Variants in CAPN7 observed in about 807,000 individuals in gnomAD.
CAPN7 encodes calpain 7, also known as calpain-7.
A neutral mutation model predicts 115.2 loss-of-function variants in CAPN7; 72 were observed. The ratio of observed to expected loss-of-function variants is 0.63; its 90% CI spans 0.52 to 0.76. The LOEUF is 0.76. CAPN7 is among the 30% of genes least tolerant of loss of function. The pLI, the probability that CAPN7 is intolerant of heterozygous loss-of-function variation, is 0.00. For missense variants in CAPN7, 905 were observed against 971.5 expected, an observed-to-expected ratio of 0.93 and a Z score of 0.91; for synonymous variants, 344 against 322.3, an observed-to-expected ratio of 1.07 and a Z score of -0.72.
intron 12 of CAPN7, among the ~76,000 whole-genome samples, chr3:15,237,850 G>A (rs1695086392): frequency 6.6e-6 from 1 of 151,744 alleles, no homozygotes; most frequent in South Asian, 2.1e-4. Flanking sequence ...GGTGGCACGT[G>A]CCTGTAGTCC....
intron 2 of CAPN7, among the ~76,000 whole-genome samples, chr3:15,214,656 T>C (rs535882091): frequency 1.4e-4 from 21 of 152,298 alleles, no homozygotes; most frequent in African/African-American, 4.1e-4. Context: ...AGGTTGAGGC[T>C]GCACTGACCC....
In CAPN7 at chr3:15,230,552, C is replaced by CCCACTCCCATCCCTTGTCTCTCT. The variant is rs776921095; in HGVS notation, c.1032+20_1032+42dup. ...CCAAGAAAGGTGAATAATGTCTCTCCCCACTCCCATCCCTTGTCTCTCTCC... is the reference window on the plus strand; with the variant it reads ...CCAAGAAAGGTGAATAATGTCTCTCCCCACTCCCATCCCTTGTCTCTCTCCACTCCCATCCCTTGTCTCTCTCC... On this transcript the variant is annotated intron_variant, in intron 9 of 20. Transcript: ENST00000253693. 2 of 1,431,036 alleles carry CCCACTCCCATCCCTTGTCTCTCT rather than the reference C, an allele frequency of 1.4e-6. No homozygotes were observed. 88.6% of individuals were successfully genotyped at this position (1,431,036 alleles called of 1,614,324 possible).
At position 15,229,025 on chromosome 3, in the gene CAPN7, T is replaced by C; in HGVS notation, c.904T>C (p.Tyr302His). 1 of 1,613,744 alleles carries C rather than the reference T, an allele frequency of 6.2e-7. No individual in the cohort carries two copies. The highest frequency in any genetic ancestry group is 1.7e-5 in the Admixed American group (1 of 60,010). Residue 302 changes from tyrosine to histidine, a missense_variant, in exon 8 of 21, where the codon TAT becomes CAT. This residue lies in a region of CAPN7 where 620 missense variants were observed against 703.4 expected (regional missense o/e 0.88). Transcript: ENST00000253693. The stretch of plus-strand genomic sequence containing the variant: ...GGCATCACTGGCCATCAGTGCAGCT[T>C]ATGAAAGACGTTTTAATAAGAAGTT... ...FVASLAISAA[Y>H]ERRFNKKLIT... is the part of the protein sequence containing the mutation.
At position 15,235,018 on chromosome 3, in the gene CAPN7, A is replaced by G. The variant is rs776792681; in HGVS notation, c.1287-7A>G. 1.1e-5 allele frequency: 17 copies of G among 1,600,030 alleles called. No homozygotes were observed. Among genetic ancestry groups the G allele is most frequent in the Non-Finnish European group, 1.4e-5 (17 of 1,175,726 alleles). On this transcript the variant is annotated splice_region_variant and splice_polypyrimidine_tract_variant and intron_variant, in intron 11 of 20. Coordinates refer to ENST00000253693, the MANE Select transcript of CAPN7 (RefSeq NM_014296.3). ...CTTTAATTAATTGTCTTTGGGGTTCATTCCAGATTTCACAAAGGAGATGTC... is the reference window on the plus strand; with the variant it reads ...CTTTAATTAATTGTCTTTGGGGTTCGTTCCAGATTTCACAAAGGAGATGTC...
intron 3 of CAPN7, 31 bp downstream of exon 3, chr3:15,217,613 G>A (rs772165608): frequency 5.0e-5 from 77 of 1,547,046 alleles, no homozygotes; most frequent in Admixed American, 2.5e-4. Context: ...CGTTTGATGA[G>A]TTATGCCAAA....
In CAPN7 at chr3:15,232,781, A is replaced by G. The variant is rs563487865; in HGVS notation, c.1179+116A>G. The G allele has an allele frequency of 2.6e-5, 21 of 817,802 alleles. No individual in the cohort carries two copies. The African/African-American group carries it at 3.8e-4, about 15-fold the overall frequency. The allele number at this position is 817,802 out of a possible 1,614,324, so 50.7% of individuals were successfully genotyped here. ...TATAGGGAAAGAGAGCAGATTATCA[A>G]CCCCTGAAACAGGATGACCAGTCCC... On this transcript the variant is annotated intron_variant, in intron 10 of 20. Transcript: ENST00000253693.
chr3:15,223,453 G>GT (rs780976936), intron 5 of CAPN7, 22 bp from the exon 6 acceptor site: 4 of 1,476,240 alleles, frequency 2.7e-6, no homozygotes, highest in East Asian at 4.5e-5. Context: ...GAACATTTAG[G>GT]TTTTTTTCTC....
intron 2 of CAPN7, among the ~76,000 whole-genome samples, chr3:15,215,849 G>T (rs1203414635): frequency 6.6e-6 from 1 of 152,062 alleles, no homozygotes; most frequent in Non-Finnish European, 1.5e-5. Flanking sequence ...ACTTTGGGAG[G>T]CCAAGGCAGA....
intron 8 of CAPN7, 130 bp from the exon 9 acceptor site, chr3:15,230,312 G>A: frequency 1.9e-6 from 1 of 515,488 alleles, no homozygotes; most frequent in Non-Finnish European, 3.5e-6. Context: ...GCCTATTGTA[G>A]GAAAATATTC....
chr3:15,230,527 C>T lies in CAPN7; in HGVS notation c.1024C>T (p.Pro342Ser). ...YMVKLHLNGV[P>S]RKVIIDDQLP... The stretch of plus-strand genomic sequence containing the variant: ...GGTAAAACTTCACCTCAATGGTGTC[C>T]CAAGAAAGGTGAATAATGTCTCTCC... Residue 342 changes from proline (P) to serine (S), a missense_variant, in exon 9 of 21, where the codon CCA becomes TCA. Pro to Ser is a moderately conservative substitution (Grantham distance 74, BLOSUM62 -1). Around this residue, in one of 3 missense-constraint regions of CAPN7, gnomAD observed 620 missense variants for 703.4 expected, o/e 0.88. Coordinates refer to ENST00000253693, the MANE Select transcript of CAPN7 (RefSeq NM_014296.3). 1.9e-6 allele frequency: 3 copies of T among 1,599,150 alleles called. No individual in the cohort carries two copies. The highest frequency in any genetic ancestry group is 2.2e-5 in the South Asian group (2 of 90,564).
chr3:15,236,548 C>T (rs187466673), intron 12 of CAPN7, among the ~76,000 whole-genome samples: 3 of 152,308 alleles, frequency 2.0e-5, no homozygotes, highest in Admixed American at 2.0e-4. Context: ...TTTACAGTCA[C>T]GTGTTGCTTA....
intron 17 of CAPN7, 34 bp from the exon 18 acceptor site, chr3:15,246,698 A>G (rs760818378): frequency 2.8e-6 from 4 of 1,445,434 alleles, no homozygotes; most frequent in Non-Finnish European, 3.9e-6. Flanking sequence ...TTGTAAGTGT[A>G]AAATTTATCA....
chr3:15,214,641 C>G (rs1006359935), intron 2 of CAPN7, among the ~76,000 whole-genome samples: 4 of 152,100 alleles, frequency 2.6e-5, no homozygotes, highest in African/African-American at 9.7e-5. Flanking sequence ...TTGCTTGAGC[C>G]CAGGAGGTTG....
At chr3:15,213,750 A>G (rs189657455) in intron 2 of CAPN7, among the ~76,000 whole-genome samples, 144 of 152,340 alleles carry the variant, frequency 9.5e-4, no homozygotes, top group African/African-American at 3.3e-3. Flanking sequence ...AGCTAAGCCT[A>G]AAAACTTACA....
intron 12 of CAPN7, among the ~76,000 whole-genome samples, chr3:15,240,019 C>T (rs1426489380): frequency 6.6e-6 from 1 of 152,146 alleles, no homozygotes; most frequent in Non-Finnish European, 1.5e-5. Context: ...AGTATAAATA[C>T]TGGAAAATAA....
chr3:15,230,995 CTGTTA>C (rs1322938022), intron 9 of CAPN7, among the ~76,000 whole-genome samples: 8 of 152,150 alleles, frequency 5.3e-5, no homozygotes, highest in African/African-American at 1.9e-4. Context: ...ACTCTGAACT[CTGTTA>C]TAAGGGCCTT....
chr3:15,228,480 A>G (rs893565169), intron 7 of CAPN7, among the ~76,000 whole-genome samples: 1 of 152,216 alleles, frequency 6.6e-6, no homozygotes, highest in Non-Finnish European at 1.5e-5. Flanking sequence ...CCCATCAGTG[A>G]CAGATTGGAT....
chr3:15,240,998 A>C, intron 14 of CAPN7, 145 bp downstream of exon 14: 1 of 559,626 alleles, frequency 1.8e-6, no homozygotes. Flanking sequence ...TGACCTCAGG[A>C]GTTCTAGACC....
At chr3:15,225,386 G>A (rs1220676763) in intron 6 of CAPN7, among the ~76,000 whole-genome samples, 1 of 152,038 alleles carries the variant, frequency 6.6e-6, no homozygotes, top group East Asian at 1.9e-4. Context: ...GTATTTTCTT[G>A]ACAATATTCA....
Sources: allele counts gnomAD v4.1 joint callset (sites outside exome capture counted in the v4.1 genomes callset), GRCh38; gene constraint gnomAD v4.1.1; regional missense constraint gnomAD v4.1.1; transcripts MANE v1.5; gene names NCBI Gene and HGNC (gene_info 2026-07-23, HGNC 2026-07-21).